The following TENM2 variants were observed in gnomAD, a reference collection of about 807,000 sequenced individuals.
TENM2 encodes teneurin-2.
Under a neutral mutation model 245.2 loss-of-function variants are expected in TENM2, and 52 were observed. The ratio of observed to expected loss-of-function variants is 0.21; its 90% CI spans 0.17 to 0.27. The LOEUF (loss-of-function observed/expected upper bound fraction) is 0.27. Ranked by LOEUF, TENM2 falls within the 10% of genes least tolerant of loss-of-function variation. The probability of loss-of-function intolerance (pLI) is 1.00; values close to 1 mark genes in which losing one functional copy is unlikely to be tolerated. For synonymous variants in TENM2, 1,363 were observed against 1,438.9 expected, an observed-to-expected ratio of 0.95 and a Z score of 1.19; for missense variants, 3,046 against 3,666.8, an observed-to-expected ratio of 0.83 and a Z score of 4.37.
rs552310344 is a variant in TENM2 at position 167,402,015 on chromosome 5, T to A, written c.502+26542T>A. Among the ~76,000 whole-genome samples the A allele has an allele frequency of 1.1e-4, 16 of 152,276 alleles. No homozygotes were observed. The South Asian group carries it at 3.1e-3, about 30-fold the overall frequency. ...CTTTGATTATTTAATCATCATATAGTGCTACAGCTTTTTTAACAGTCCCTT... is the reference window on the plus strand; with the variant it reads ...CTTTGATTATTTAATCATCATATAGAGCTACAGCTTTTTTAACAGTCCCTT... On this transcript the variant is annotated intron_variant, in intron 2 of 28. Transcript: ENST00000518659.
intron 5 of TENM2, among the ~76,000 whole-genome samples, chr5:168,034,197 A>C (rs1169371786): frequency 1.4e-5 from 2 of 145,730 alleles, no homozygotes; most frequent in Admixed American, 6.9e-5. Flanking sequence ...ACAAAAATTA[A>C]TCAAGAGTTG....
At chr5:167,055,945 G>A in the TENM2 span, among the ~76,000 whole-genome samples, 1 of 151,936 alleles carries the variant, frequency 6.6e-6, no homozygotes, top group African/African-American at 2.4e-5. Context: ...CCAGTACAAT[G>A]TTGAAGAGCA....
the TENM2 span, among the ~76,000 whole-genome samples, chr5:166,995,103 G>A: frequency 3.4e-5 from 5 of 147,794 alleles, no homozygotes; most frequent in Admixed American, 3.3e-4. Context: ...ATTTCACATG[G>A]CCTTGCACAT....
chr5:167,066,008 G>T, the TENM2 span, among the ~76,000 whole-genome samples: 1 of 152,094 alleles, frequency 6.6e-6, no homozygotes, highest in African/African-American at 2.4e-5. Context: ...ACCATTAAGT[G>T]GTCCACTCAC....
At chr5:168,195,551 CGTGTGTGTGTGTGTGTGTGTGTGTGT>C (rs35040257) in intron 15 of TENM2, among the ~76,000 whole-genome samples, 9,639 of 98,328 alleles carry the variant, frequency 0.098, 695 homozygotes, top group East Asian at 0.34. Flanking sequence ...GGTCAATGCA[CGTGTGTGTGTGTGTGTGTGTGTGTGT>C]GTGTGTGTGT....
the TENM2 span, among the ~76,000 whole-genome samples, chr5:167,264,089 T>A: frequency 1.0e-3 from 142 of 138,992 alleles, 1 homozygote; most frequent in South Asian, 0.026. Flanking sequence ...TGGGCAATAA[T>A]AACGAAACTC....
At chr5:167,054,378 TTA>T in the TENM2 span, among the ~76,000 whole-genome samples, 1 of 152,166 alleles carries the variant, frequency 6.6e-6, no homozygotes, top group Non-Finnish European at 1.5e-5. Flanking sequence ...TCATTTCTTT[TTA>T]GTGCTGAATA....
At chr5:167,141,271 G>T in the TENM2 span, among the ~76,000 whole-genome samples, 30 of 152,194 alleles carry the variant, frequency 2.0e-4, no homozygotes, top group African/African-American at 7.2e-4. Flanking sequence ...AAGCTCTCTT[G>T]TAGCAGATGT....
chr5:167,147,553 C>G, the TENM2 span, among the ~76,000 whole-genome samples: 1 of 151,966 alleles, frequency 6.6e-6, no homozygotes, highest in Non-Finnish European at 1.5e-5. Context: ...GGCCAAATAC[C>G]CACCTTTCAG....
At chr5:167,301,556 G>A (rs1021542233) in intron 1 of TENM2, among the ~76,000 whole-genome samples, 2 of 152,192 alleles carry the variant, frequency 1.3e-5, no homozygotes, top group African/African-American at 4.8e-5. Context: ...CTGTTGTGGG[G>A]TTGGAGGGCT....
intron 2 of TENM2, among the ~76,000 whole-genome samples, chr5:167,722,857 GTC>G (rs1205143709): frequency 6.6e-6 from 1 of 152,118 alleles, no homozygotes; most frequent in East Asian, 1.9e-4. Context: ...TCAATTTTAG[GTC>G]TCTTTCTCCT....
At chr5:167,562,611 G>A (rs1227997511) in intron 2 of TENM2, among the ~76,000 whole-genome samples, 1 of 152,164 alleles carries the variant, frequency 6.6e-6, no homozygotes, top group African/African-American at 2.4e-5. Context: ...GAAGAGCTCA[G>A]AATGTGAAGT....
chr5:167,832,987 C>T (rs964323601), intron 2 of TENM2, among the ~76,000 whole-genome samples: 3 of 152,182 alleles, frequency 2.0e-5, no homozygotes, highest in Middle Eastern at 6.8e-3. Context: ...CCCACAAAAT[C>T]ATTCAGAGTG....
intron 2 of TENM2, among the ~76,000 whole-genome samples, chr5:167,687,186 G>A (rs1476802399): frequency 6.6e-6 from 1 of 152,052 alleles, no homozygotes; most frequent in African/African-American, 2.4e-5. Flanking sequence ...ACCAAGAAAT[G>A]GTTTAAGTTT....
the TENM2 span, among the ~76,000 whole-genome samples, chr5:167,001,154 C>G: frequency 1.4e-4 from 21 of 152,164 alleles, no homozygotes; most frequent in East Asian, 4.1e-3. Context: ...ACCCTCCTGA[C>G]TTGATGAGAG....
chr5:168,258,002 CTCGGGAGGT>C (rs1226787331), intron 27 of TENM2, among the ~76,000 whole-genome samples: 2 of 152,120 alleles, frequency 1.3e-5, no homozygotes, highest in African/African-American at 2.4e-5. Flanking sequence ...TTAGACATCC[CTCGGGAGGT>C]GCTGAACTGA....
intron 2 of TENM2, among the ~76,000 whole-genome samples, chr5:167,735,541 G>A (rs1042722900): frequency 3.9e-5 from 6 of 152,156 alleles, no homozygotes; most frequent in African/African-American, 1.2e-4. Context: ...CTTTGACCAG[G>A]CTGAGTGCAG....
At chr5:167,508,003 C>T (rs917225367) in intron 2 of TENM2, among the ~76,000 whole-genome samples, 1 of 152,184 alleles carries the variant, frequency 6.6e-6, no homozygotes, top group East Asian at 1.9e-4. Context: ...AGAAAGAGCT[C>T]TGTGACTCAG....
At chr5:167,158,672 A>T in the TENM2 span, among the ~76,000 whole-genome samples, 1 of 152,150 alleles carries the variant, frequency 6.6e-6, no homozygotes, top group Non-Finnish European at 1.5e-5. Flanking sequence ...GGGAGAGCAC[A>T]TGTAAGCTCT....
Sources: gnomAD v4.1 joint callset for allele counts (sites outside exome capture counted in the v4.1 genomes callset) on GRCh38, gnomAD v4.1.1 for gene constraint, MANE v1.5 for transcripts, NCBI Gene and HGNC (gene_info 2026-07-23, HGNC 2026-07-21) for gene names.